Variants in TECTB observed in about 807,000 individuals in gnomAD.
TECTB encodes beta-tectorin.
Under a neutral mutation model 43.3 loss-of-function variants are expected in TECTB, and 45 were observed. The ratio of observed to expected loss-of-function variants is 1.04; its 90% CI spans 0.82 to 1.33. The LOEUF is 1.33. Among genes scored for constraint, TECTB ranks in the 40% most tolerant of loss-of-function variants. The pLI is 0.00. For synonymous variants in TECTB, 169 were observed against 156.7 expected (o/e 1.08, Z -0.59); for missense variants, 399 against 404.7 (o/e 0.99, Z 0.12).
intron 5 of TECTB, among the ~76,000 whole-genome samples, chr10:112,289,952 C>T (rs1848484474): frequency 6.6e-6 from 1 of 152,164 alleles, no homozygotes; most frequent in South Asian, 2.1e-4. Flanking sequence ...TAACTTGTGA[C>T]ACTGGCTAGT....
Position 112,293,987 on chromosome 10 carries a change from G to A in TECTB, c.597G>A (p.Val199=). The A allele has an allele frequency of 6.2e-7, 1 of 1,614,176 alleles. No homozygotes were observed. ...EAKGLSIRFK[V]VLNSCWATPS... is the part of the protein sequence containing the mutation. ...TTTGTTTTATTTCCAGGTTTAAAGT[G>A]GTCTTGAACAGCTGTTGGGCCACCC... is the stretch of plus-strand genomic sequence containing the variant. Residue 199 remains valine (V), a synonymous_variant, in exon 7 of 11, where the codon GTG becomes GTA. Coordinates refer to ENST00000646139, the MANE Select transcript of TECTB (RefSeq NM_058222.3).
At chr10:112,288,092 G>A (rs1357806960) in intron 5 of TECTB, among the ~76,000 whole-genome samples, 1 of 152,176 alleles carries the variant, frequency 6.6e-6, no homozygotes, top group East Asian at 1.9e-4. Flanking sequence ...TCTGCGCACT[G>A]ACAACAGTCT....
Position 112,284,629 on chromosome 10 carries a change from G to C in TECTB, c.171G>C (p.Gly57=). 1.2e-6 allele frequency: 2 copies of C among 1,613,708 alleles called. No homozygotes were observed. The part of the protein sequence containing the change: ...GWEVHQLALG[G]LCYNGVHEGG... ...AAGTTCATCAGCTGGCCCTCGGAGGGCTGTGTTACAATGGGGTCCACGAAG... is the reference window on the plus strand; with the variant it reads ...AAGTTCATCAGCTGGCCCTCGGAGGCCTGTGTTACAATGGGGTCCACGAAG... Residue 57 remains glycine, a synonymous_variant, in exon 3 of 11, where the codon GGG becomes GGC. Coordinates refer to ENST00000646139, the MANE Select transcript of TECTB (RefSeq NM_058222.3).
At position 112,293,788 on chromosome 10, in the gene TECTB, C is replaced by T. The variant is rs726009; in HGVS notation, c.534C>T (p.Ser178=). The T allele has an allele frequency of 5.7e-5, 92 of 1,613,900 alleles. 1 individual carries two copies. The Middle Eastern group carries it at 6.6e-4, about 12-fold the overall frequency. Residue 178 remains serine, a synonymous_variant, in exon 6 of 11, where the codon TCC becomes TCT. Coordinates refer to ENST00000646139, the MANE Select transcript of TECTB (RefSeq NM_058222.3). ...KKEAPFVLEA[S]EIGSDLFAGV... Reference sequence around the variant, plus strand: ...AAGCTCCCTTTGTCCTGGAGGCATCCGAAATCGGTTCAGATCTGTTTGCAG... The same window carrying T: ...AAGCTCCCTTTGTCCTGGAGGCATCTGAAATCGGTTCAGATCTGTTTGCAG...
At position 112,298,138 on chromosome 10, in the gene TECTB, T is replaced by C. The variant is rs759985557; in HGVS notation, c.741T>C (p.Asn247=). The change falls in exon 8 of 11, where the codon AAT becomes AAC. Residue 247 remains asparagine, a synonymous_variant. Transcript: ENST00000646139. ...ATCACAGGGCAACCTTCCAATTCAATGCTTTCCGGTTCCAGAACATCCCCA... is the reference window on the plus strand; with the variant it reads ...ATCACAGGGCAACCTTCCAATTCAACGCTTTCCGGTTCCAGAACATCCCCA... ...GRDHRATFQF[N]AFRFQNIPKL... 6.2e-7 allele frequency: 1 copy of C among 1,614,230 alleles called. No homozygotes were observed. Among genetic ancestry groups the C allele is most frequent in the East Asian group, 2.2e-5 (1 of 44,882 alleles).
intron 8 of TECTB, among the ~76,000 whole-genome samples, chr10:112,299,196 A>T (rs1048460575): frequency 8.5e-5 from 13 of 152,234 alleles, no homozygotes; most frequent in Non-Finnish European, 1.9e-4. Context: ...AAGCCTTATC[A>T]AAGGAAATGG....
Position 112,283,685 on chromosome 10 carries a change from T to C in TECTB, c.-50T>C, listed in dbSNP as rs1848430828. 1.9e-6 allele frequency: 3 copies of C among 1,585,084 alleles called. No individual in the cohort carries two copies. The highest frequency in any genetic ancestry group is 2.7e-5 in the African/African-American group (2 of 74,380). ...TCAGGCCCTGGAAGGACCGTAAACA[T>C]TTGGCCAGCTTGGTTTGGATACCTG... On this transcript the variant is annotated 5_prime_UTR_variant, in exon 2 of 11. Transcript: ENST00000646139.
At chr10:112,300,608 T>C (rs1265168341) in intron 9 of TECTB, among the ~76,000 whole-genome samples, 1 of 152,184 alleles carries the variant, frequency 6.6e-6, no homozygotes, top group Non-Finnish European at 1.5e-5. Context: ...TCATCACTAA[T>C]GTGAAAATCC....
chr10:112,287,576 A>G (rs528994158), intron 5 of TECTB, among the ~76,000 whole-genome samples: 1 of 152,330 alleles, frequency 6.6e-6, no homozygotes, highest in South Asian at 2.1e-4. Context: ...GAACTCTTTA[A>G]GCTTGCTTAA....
chr10:112,283,959 T>C, intron 2 of TECTB, 149 bp downstream of exon 2: 1 of 795,614 alleles, frequency 1.3e-6, no homozygotes, highest in South Asian at 2.0e-5. Flanking sequence ...CCAATACCAA[T>C]CAGACTTTTC....
In TECTB at chr10:112,303,354, C is replaced by T. The variant is rs1196518037; in HGVS notation, c.*42C>T. The T allele has an allele frequency of 6.2e-7, 1 of 1,610,094 alleles. No individual in the cohort carries two copies. The highest frequency in any genetic ancestry group is 1.1e-5 in the South Asian group (1 of 90,958). On this transcript the variant is annotated 3_prime_UTR_variant, in exon 11 of 11. Coordinates refer to ENST00000646139, the MANE Select transcript of TECTB (RefSeq NM_058222.3). ...TGCCGCTCCTCCACCCACAATAGTC[C>T]TCAGCGAATGACAAACACATTTATT...
rs1480880740 is a variant in TECTB, at chr10:112,303,247, C to T, written c.941-16C>T. The T allele has an allele frequency of 6.2e-7, 1 of 1,614,026 alleles. No homozygotes were observed. Among genetic ancestry groups the T allele is most frequent in the East Asian group, 2.2e-5 (1 of 44,884 alleles). The stretch of plus-strand genomic sequence containing the variant: ...ACTGTCTCTGAGTGCCATCTCCCTC[C>T]CCTTCTGGTCCACAGATGTTCTCCA... On this transcript the variant is annotated splice_polypyrimidine_tract_variant and intron_variant, in intron 10 of 10. Coordinates refer to ENST00000646139, the MANE Select transcript of TECTB (RefSeq NM_058222.3).
In TECTB at chr10:112,303,313, G is replaced by C. The variant is rs150073745; in HGVS notation, c.*1G>C. 2 of 1,614,010 alleles carry C rather than the reference G, an allele frequency of 1.2e-6. No homozygotes were observed. Among genetic ancestry groups the C allele is most frequent in the African/African-American group, 2.7e-5 (2 of 74,890 alleles). ...GTTGGGGATTTGTGCCGTGTTATAG[G>C]AGTTAGCCAGGCAGCTGCCGCTCCT... On this transcript the variant is annotated 3_prime_UTR_variant, in exon 11 of 11. Transcript: ENST00000646139.
chr10:112,300,319 G>GAA (rs1554854245), intron 9 of TECTB, among the ~76,000 whole-genome samples: 51 of 107,786 alleles, frequency 4.7e-4, no homozygotes, highest in East Asian at 6.6e-4. Flanking sequence ...AAGAAAGAAA[G>GAA]AGAAAGAAAA....
chr10:112,292,664 G>A (rs1281134706), intron 5 of TECTB, among the ~76,000 whole-genome samples: 1 of 151,964 alleles, frequency 6.6e-6, no homozygotes, highest in Non-Finnish European at 1.5e-5. Context: ...GGCTAGTCTC[G>A]AACTTGTGGC....
In TECTB at chr10:112,304,439, TA is replaced by T. The variant is rs1188531819; in HGVS notation, c.*1128del. On this transcript the variant is annotated 3_prime_UTR_variant, in exon 11 of 11. Coordinates refer to ENST00000646139, the MANE Select transcript of TECTB (RefSeq NM_058222.3). ...AACTGGCCACCCCAGTGATCCAGAA[TA>T]TGCCCATATAAATGATTTACATTGT... The T allele has an allele frequency of 6.6e-6, 1 of 152,228 alleles. No homozygotes were observed. Among genetic ancestry groups the T allele is most frequent in the Non-Finnish European group, 1.5e-5 (1 of 68,042 alleles). 9.4% of individuals were successfully genotyped at this position (152,228 alleles called of 1,614,324 possible).
Position 112,303,379 on chromosome 10 carries a change from T to A in TECTB, c.*67T>A. The A allele has an allele frequency of 1.3e-6, 2 of 1,593,766 alleles. No individual in the cohort carries two copies. The highest frequency in any genetic ancestry group is 1.7e-6 in the Non-Finnish European group (2 of 1,161,684). On this transcript the variant is annotated 3_prime_UTR_variant, in exon 11 of 11. Transcript: ENST00000646139. Reference sequence around the variant, plus strand: ...CTCAGCGAATGACAAACACATTTATTGTGCTGCCAAAAAGAACAAACAGAA... The same window carrying A: ...CTCAGCGAATGACAAACACATTTATAGTGCTGCCAAAAAGAACAAACAGAA...
At chr10:112,302,225 A>G in intron 10 of TECTB, 92 bp downstream of exon 10, 2 of 1,487,398 alleles carry the variant, frequency 1.3e-6, no homozygotes, top group South Asian at 2.3e-5. Context: ...GGCCCCGGCA[A>G]AACTTTTAAG....
At chr10:112,296,779 T>G (rs1372254015) in intron 7 of TECTB, among the ~76,000 whole-genome samples, 2 of 151,926 alleles carry the variant, frequency 1.3e-5, no homozygotes, top group African/African-American at 2.4e-5. Flanking sequence ...GGAAAAGGGG[T>G]GGGGTAGAGA....
Sources: allele counts gnomAD v4.1 joint callset (sites outside exome capture counted in the v4.1 genomes callset), GRCh38; gene constraint gnomAD v4.1.1; transcripts MANE v1.5; gene names NCBI Gene and HGNC (gene_info 2026-07-23, HGNC 2026-07-21).